ARMH4: variants seen among roughly 807,000 people sequenced by gnomAD.
The protein encoded by ARMH4 is armadillo-like helical domain-containing protein 4.
A neutral mutation model predicts 61.9 loss-of-function variants in ARMH4; 49 were observed. That is an observed-to-expected ratio of 0.79 (90% CI 0.63 to 1.00). The LOEUF is 1.00. ARMH4 is among the 50% of genes least tolerant of loss of function. The pLI, the probability that ARMH4 is intolerant of heterozygous loss-of-function variation, is 0.00. For synonymous variants in ARMH4, 368 were observed against 341.5 expected, an observed-to-expected ratio of 1.08 and a Z score of -0.85; for missense variants, 934 against 930.0, an observed-to-expected ratio of 1.00 and a Z score of -0.06.
In ARMH4 at chr14:58,138,485, C is replaced by T; in HGVS notation, c.874G>A (p.Gly292Arg). ...ACACTCACTGTGACTTCTGGGGCTC[C>T]CAGCAGACTATCAGTTTCTGGCTCA... is the stretch of plus-strand genomic sequence containing the variant. ...SVEPETDSLL[G>R]APEVTVSVST... is the part of the protein sequence containing the mutation. Residue 292 changes from glycine (G) to arginine (R), a missense_variant, in exon 2 of 8, where the codon GGA (glycine) becomes AGA (arginine). Transcript: ENST00000267485. The T allele has an allele frequency of 1.2e-6, 2 of 1,614,214 alleles. No individual in the cohort carries two copies. Among genetic ancestry groups the T allele is most frequent in the Non-Finnish European group, 1.7e-6 (2 of 1,180,040 alleles).
At chr14:58,020,615 CTCTT>C (rs990328394) in intron 5 of ARMH4, among the ~76,000 whole-genome samples, 1 of 152,080 alleles carries the variant, frequency 6.6e-6, no homozygotes, top group Non-Finnish European at 1.5e-5. Flanking sequence ...TGAGGGGACT[CTCTT>C]TGTATATGTC....
intron 4 of ARMH4, among the ~76,000 whole-genome samples, chr14:58,099,093 A>T (rs1033425923): frequency 6.6e-6 from 1 of 152,214 alleles, no homozygotes; most frequent in East Asian, 1.9e-4. Flanking sequence ...GATCTAAAAG[A>T]TAAGGAGTCA....
rs114881578 is a variant in ARMH4, at chr14:58,079,812, A to C, written c.2089+16912T>G. Reference sequence around the variant, plus strand: ...CACATACACCTGGCTCTTTTCTAGAATTGAACCTTGATCCTTACCTGAGGG... The same window carrying C: ...CACATACACCTGGCTCTTTTCTAGACTTGAACCTTGATCCTTACCTGAGGG... On this transcript the variant is annotated intron_variant, in intron 5 of 7. Coordinates refer to ENST00000267485, the MANE Select transcript of ARMH4 (RefSeq NM_001001872.4). 6.4e-3 allele frequency among the ~76,000 whole-genome samples: 969 copies of C among 152,282 alleles called. 11 individuals are homozygous for C. Among genetic ancestry groups the C allele is most frequent in the African/African-American group, 0.022 (927 of 41,556 alleles).
intron 4 of ARMH4, among the ~76,000 whole-genome samples, chr14:58,104,269 G>A (rs1196053085): frequency 6.6e-6 from 1 of 152,142 alleles, no homozygotes; most frequent in Non-Finnish European, 1.5e-5. Context: ...TATATTATGG[G>A]AAAGTAAGAA....
chr14:58,042,035 A>G (rs1883730228), intron 5 of ARMH4, among the ~76,000 whole-genome samples: 1 of 152,140 alleles, frequency 6.6e-6, no homozygotes, highest in Non-Finnish European at 1.5e-5. Flanking sequence ...TAGACAGACC[A>G]ACGAGACAGA....
In ARMH4 at chr14:58,005,136, G is replaced by A. The variant is rs770652987; in HGVS notation, c.2168C>T (p.Ala723Val). 9 of 1,613,868 alleles carry A rather than the reference G, an allele frequency of 5.6e-6. No homozygotes were observed. In the Admixed American group the frequency reaches 1.5e-4, roughly 27 times the overall value. ...GGCTCCCAAGATGAACAAGGCTCCA[G>A]CTATCCCAACCCCTACAGGCACCAG... ...GMLVPVGVGIAGALFILGALY... is the reference protein window; with the variant it reads ...GMLVPVGVGIVGALFILGALY... The change falls in exon 7 of 8, where the codon GCT (alanine) becomes GTT (valine). Residue 723 changes from alanine (A) to valine (V), a missense_variant. Physicochemically the swap from Ala to Val is moderately conservative, Grantham distance 64 (BLOSUM62 0). Coordinates refer to ENST00000267485, the MANE Select transcript of ARMH4 (RefSeq NM_001001872.4).
In ARMH4 at chr14:58,137,949, C is replaced by T. The variant is rs529338598; in HGVS notation, c.1369+41G>A. On this transcript the variant is annotated intron_variant, in intron 2 of 7. Coordinates refer to ENST00000267485, the MANE Select transcript of ARMH4 (RefSeq NM_001001872.4). ...CATTAAAAAAAAAATTGAAAGTTTCCAAATTAAACCAAAGTTTGTTTTTCT... is the reference window on the plus strand; with the variant it reads ...CATTAAAAAAAAAATTGAAAGTTTCTAAATTAAACCAAAGTTTGTTTTTCT... 4.2e-5 allele frequency: 66 copies of T among 1,553,822 alleles called. No homozygotes were observed. The East Asian group carries it at 1.3e-3, about 31-fold the overall frequency.
intron 4 of ARMH4, among the ~76,000 whole-genome samples, chr14:58,112,933 G>T (rs746490721): frequency 6.6e-6 from 1 of 151,746 alleles, no homozygotes; most frequent in Admixed American, 6.6e-5. Flanking sequence ...TGTCTTCATT[G>T]TTCTTTCATT....
intron 5 of ARMH4, among the ~76,000 whole-genome samples, chr14:58,045,577 G>A (rs535731675): frequency 6.6e-5 from 10 of 151,254 alleles, no homozygotes; most frequent in South Asian, 2.1e-4. Context: ...AAACCTGCAC[G>A]TTCTGCACAT....
At chr14:58,077,313 A>G (rs747400264) in intron 5 of ARMH4, among the ~76,000 whole-genome samples, 1 of 152,228 alleles carries the variant, frequency 6.6e-6, no homozygotes, top group East Asian at 1.9e-4. Flanking sequence ...ATTAGGTAGA[A>G]TAAGAGTAGA....
chr14:58,085,365 A>C (rs566541850), intron 5 of ARMH4, among the ~76,000 whole-genome samples: 5 of 142,704 alleles, frequency 3.5e-5, no homozygotes, highest in Non-Finnish European at 7.8e-5. Flanking sequence ...CTTCTTGTTT[A>C]ATTCCCAGAA....
intron 6 of ARMH4, among the ~76,000 whole-genome samples, chr14:58,011,875 G>A (rs752718095): frequency 2.6e-5 from 4 of 152,006 alleles, no homozygotes; most frequent in Non-Finnish European, 4.4e-5. Context: ...ATCAAACAAG[G>A]TAAATTCTTA....
Position 58,106,663 on chromosome 14 carries a change from C to T in ARMH4, c.1832-9682G>A, listed in dbSNP as rs559847441. ...CTTAACAGCTGTTCAAAGCCCACGACGATACTTTGTACTTACATGGGGCTT... is the reference window on the plus strand; with the variant it reads ...CTTAACAGCTGTTCAAAGCCCACGATGATACTTTGTACTTACATGGGGCTT... On this transcript the variant is annotated intron_variant, in intron 4 of 7. Coordinates refer to ENST00000267485, the MANE Select transcript of ARMH4 (RefSeq NM_001001872.4). Among the ~76,000 whole-genome samples the T allele has an allele frequency of 1.6e-4, 25 of 152,298 alleles. No homozygotes were observed. The East Asian group carries it at 3.3e-3, about 20-fold the overall frequency.
At position 58,129,816 on chromosome 14, in the gene ARMH4, G is replaced by A. The variant is rs1338117909; in HGVS notation, c.1831+1696C>T. Among the ~76,000 whole-genome samples, 5 of 152,244 alleles carry A rather than the reference G, an allele frequency of 3.3e-5. No homozygotes were observed. In the South Asian group the frequency reaches 6.2e-4, roughly 19 times the overall value. On this transcript the variant is annotated intron_variant, in intron 4 of 7. Transcript: ENST00000267485. ...TGTGCTAATTCAAAATCCTAAGCCC[G>A]ACAATGTAGCAAAAATAATATCTTT...
chr14:58,139,416 T>C lies in ARMH4; in HGVS notation c.-56-2A>G, dbSNP rs1887455842. 6.6e-7 allele frequency: 1 copy of C among 1,518,326 alleles called. No homozygotes were observed. The highest frequency in any genetic ancestry group is 2.3e-5 in the East Asian group (1 of 44,278). The allele number at this position is 1,518,326 out of a possible 1,614,324, so 94.1% of individuals were successfully genotyped here. On this transcript the variant is annotated splice_acceptor_variant, in intron 1 of 7. Coordinates refer to ENST00000267485, the MANE Select transcript of ARMH4 (RefSeq NM_001001872.4). LOFTEE classifies it low-confidence loss of function (5UTR_SPLICE). The stretch of plus-strand genomic sequence containing the variant: ...GTTGACAAGTCCAGTAATTGAATCC[T>C]GCAGAAAAATAAAGCATATCAAACT...
At chr14:58,067,184 A>G (rs1884731834) in intron 5 of ARMH4, among the ~76,000 whole-genome samples, 1 of 152,216 alleles carries the variant, frequency 6.6e-6, no homozygotes, top group African/African-American at 2.4e-5. Context: ...AGGCATCAGC[A>G]TTATACTATG....
intron 5 of ARMH4, among the ~76,000 whole-genome samples, chr14:58,085,771 G>A (rs1594748162): frequency 6.6e-6 from 1 of 152,128 alleles, no homozygotes; most frequent in Non-Finnish European, 1.5e-5. Flanking sequence ...AGATATTTGG[G>A]TTTAGGTTTC....
At chr14:58,057,950 A>C (rs1267949764) in intron 5 of ARMH4, among the ~76,000 whole-genome samples, 1 of 152,214 alleles carries the variant, frequency 6.6e-6, no homozygotes, top group Admixed American at 6.5e-5. Context: ...ATGAGAGTTC[A>C]AACAAGCAGT....
chr14:58,113,339 A>C lies in ARMH4; in HGVS notation c.1832-16358T>G, dbSNP rs371960530. Among the ~76,000 whole-genome samples, 317 of 152,308 alleles carry C rather than the reference A, an allele frequency of 2.1e-3. 1 individual carries two copies. The highest frequency in any genetic ancestry group is 6.8e-3 in the African/African-American group (283 of 41,586). On this transcript the variant is annotated intron_variant, in intron 4 of 7. Transcript: ENST00000267485. Reference sequence around the variant, plus strand: ...ATGTAGTTTTCCATTGTATTAACATAGCACAATTTATTTGTCTATTCTACT... The same window carrying C: ...ATGTAGTTTTCCATTGTATTAACATCGCACAATTTATTTGTCTATTCTACT...
Sources: gnomAD v4.1 joint callset for allele counts (sites outside exome capture counted in the v4.1 genomes callset) on GRCh38, gnomAD v4.1.1 for gene constraint, MANE v1.5 for transcripts, NCBI Gene and HGNC (gene_info 2026-07-23, HGNC 2026-07-21) for gene names.